ANO2: variants seen among roughly 807,000 people sequenced by gnomAD.
ANO2 encodes the protein anoctamin-2.
Under a neutral mutation model 124.2 loss-of-function variants are expected in ANO2, and 101 were observed. The observed-to-expected ratio is 0.81, with a 90% CI of 0.69 to 0.96. The LOEUF is 0.96. ANO2 is among the 40% of genes least tolerant of loss of function. ANO2 has a pLI of 0.00. For synonymous variants in ANO2, 486 were observed against 482.5 expected (o/e 1.01, Z -0.09); for missense variants, 1,293 against 1,274.5 (o/e 1.01, Z -0.22).
At chr12:5,672,546 T>A (rs1277071097) in intron 14 of ANO2, among the ~76,000 whole-genome samples, 1 of 152,148 alleles carries the variant, frequency 6.6e-6, no homozygotes. Context: ...TGTGGACCCA[T>A]GGAGGTCAGC....
chr12:5,692,542 GA>G (rs1237222312), intron 14 of ANO2, among the ~76,000 whole-genome samples: 1 of 152,182 alleles, frequency 6.6e-6, no homozygotes, highest in East Asian at 1.9e-4. Context: ...AGGGCTTAAA[GA>G]TCCTACATCC....
intron 10 of ANO2, among the ~76,000 whole-genome samples, chr12:5,772,926 C>T (rs1249337208): frequency 6.6e-6 from 1 of 152,230 alleles, no homozygotes; most frequent in Non-Finnish European, 1.5e-5. Context: ...GCTGCTGACC[C>T]ATTCGCTGCC....
At chr12:5,848,653 G>A (rs572771702) in intron 4 of ANO2, among the ~76,000 whole-genome samples, 3 of 152,274 alleles carry the variant, frequency 2.0e-5, no homozygotes, top group African/African-American at 4.8e-5. Flanking sequence ...TGGAGCCGTC[G>A]TGTTTACAGA....
chr12:5,839,432 G>A (rs1018585544), intron 4 of ANO2, among the ~76,000 whole-genome samples: 6 of 152,180 alleles, frequency 3.9e-5, no homozygotes, highest in Non-Finnish European at 8.8e-5. Context: ...CTCGGCAATG[G>A]AGGATAATCT....
At chr12:5,792,898 T>G (rs766988879) in intron 10 of ANO2, among the ~76,000 whole-genome samples, 1 of 152,204 alleles carries the variant, frequency 6.6e-6, no homozygotes, top group Non-Finnish European at 1.5e-5. Flanking sequence ...ATGCAAAATA[T>G]GTGGTGGCTT....
At chr12:5,801,994 C>T (rs181982341) in intron 9 of ANO2, among the ~76,000 whole-genome samples, 483 of 152,302 alleles carry the variant, frequency 3.2e-3, no homozygotes, top group African/African-American at 0.01. Flanking sequence ...GGCACCCCCT[C>T]GAGAGCTATG....
chr12:5,929,788 G>A (rs1459187467), intron 1 of ANO2, among the ~76,000 whole-genome samples: 1 of 149,438 alleles, frequency 6.7e-6, no homozygotes, highest in South Asian at 2.1e-4. Flanking sequence ...TTCCTTACTC[G>A]TCTACCTTCT....
chr12:5,827,815 G>A lies in ANO2; in HGVS notation c.846C>T (p.His282=), dbSNP rs557197006. Residue 282 remains histidine (H), a synonymous_variant, in exon 7 of 25, where the codon CAC becomes CAT. Transcript: ENST00000682330. ...FDNATRSRIV[H]EILKRTACSR... is the part of the protein sequence containing the mutation. ...AGCAGGCTGTGCGCTTCAGGATCTC[G>A]TGCACCTAAAAGGGGACGACAGCAG... The A allele has an allele frequency of 9.3e-6, 15 of 1,610,960 alleles. No individual in the cohort carries two copies. In the South Asian group the frequency reaches 1.2e-4, roughly 13 times the overall value.
chr12:5,726,115 A>G (rs752013565), intron 14 of ANO2, among the ~76,000 whole-genome samples: 3 of 152,024 alleles, frequency 2.0e-5, no homozygotes, highest in Non-Finnish European at 4.4e-5. Flanking sequence ...AGCAGTCTAG[A>G]AAAGATTCAA....
intron 20 of ANO2, among the ~76,000 whole-genome samples, chr12:5,596,869 AC>A (rs1200324310): frequency 6.6e-6 from 1 of 151,964 alleles, no homozygotes; most frequent in African/African-American, 2.4e-5. Flanking sequence ...AAGCACTAAG[AC>A]CCTCTTCTAT....
chr12:5,565,465 C>T (rs1941690419), intron 24 of ANO2, 93 bp downstream of exon 24: 3 of 1,124,912 alleles, frequency 2.7e-6, no homozygotes, highest in African/African-American at 1.6e-5. Context: ...CAGAGTACCA[C>T]CGGAACCTGG....
intron 3 of ANO2, among the ~76,000 whole-genome samples, chr12:5,867,778 G>GGAA (rs1555175814): frequency 1.3e-5 from 1 of 78,544 alleles, no homozygotes; most frequent in Non-Finnish European, 2.3e-5. Context: ...GCACTATAAT[G>GGAA]AAAAAAAAAA....
chr12:5,921,718 ACATG>A (rs1941712975), intron 2 of ANO2, among the ~76,000 whole-genome samples: 1 of 151,958 alleles, frequency 6.6e-6, no homozygotes, highest in Non-Finnish European at 1.5e-5. Flanking sequence ...CTGCACACAC[ACATG>A]CAAGCACCTG....
intron 17 of ANO2, 83 bp from the exon 18 acceptor site, chr12:5,613,041 C>T: frequency 7.5e-7 from 1 of 1,342,094 alleles, no homozygotes; most frequent in East Asian, 2.3e-5. Flanking sequence ...AGGGGAATAC[C>T]ACCACCACTG....
At chr12:5,755,368 ATTTATTTATT>A (rs1481220465) in intron 10 of ANO2, among the ~76,000 whole-genome samples, 1 of 148,810 alleles carries the variant, frequency 6.7e-6, no homozygotes, top group African/African-American at 2.5e-5. Context: ...TCTTTTTTAC[ATTTATTTATT>A]TTTATTTATT....
At position 5,562,864 on chromosome 12, in the gene ANO2, G is replaced by C. The variant is rs566927362; in HGVS notation, c.*435C>G. ...CTGCTGAGACTGTGGCAGCCCCACT[G>C]CAAGTGACTCAGTTTTCTTGTAGTG... On this transcript the variant is annotated 3_prime_UTR_variant, in exon 25 of 25. Transcript: ENST00000682330. 6.8e-5 allele frequency: 12 copies of C among 175,558 alleles called. No homozygotes were observed. The highest frequency in any genetic ancestry group is 1.4e-4 in the Non-Finnish European group (11 of 81,058). 10.9% of individuals were successfully genotyped at this position (175,558 alleles called of 1,614,324 possible).
At chr12:5,697,224 G>C (rs1180905742) in intron 14 of ANO2, among the ~76,000 whole-genome samples, 1 of 151,416 alleles carries the variant, frequency 6.6e-6, no homozygotes, top group African/African-American at 2.5e-5. Context: ...ACAAGATCAG[G>C]AGATCAAGAC....
rs375390181 is a variant in ANO2 at position 5,769,647 on chromosome 12, C to A, written c.1056-18677G>T. Among the ~76,000 whole-genome samples the A allele has an allele frequency of 6.6e-6, 1 of 152,142 alleles. No individual in the cohort carries two copies. The highest frequency in any genetic ancestry group is 6.5e-5 in the Admixed American group (1 of 15,276). Reference sequence around the variant, plus strand: ...TTCCTATCCGTGGGTGGTGGATGGACCTCCATTAACAGCCACACCTCCCCA... The same window carrying A: ...TTCCTATCCGTGGGTGGTGGATGGAACTCCATTAACAGCCACACCTCCCCA... On this transcript the variant is annotated intron_variant, in intron 10 of 24. Coordinates refer to ENST00000682330, the MANE Select transcript of ANO2 (RefSeq NM_001364791.2). The surrounding 1 kb of genome is among the most constrained non-coding windows in gnomAD (Gnocchi z 4.0).
At chr12:5,775,799 C>A (rs960232460) in intron 10 of ANO2, among the ~76,000 whole-genome samples, 1 of 152,162 alleles carries the variant, frequency 6.6e-6, no homozygotes, top group African/African-American at 2.4e-5. Context: ...ACCTCTTTTG[C>A]CTCTGAGACT....
Sources: gnomAD v4.1 joint callset for allele counts (sites outside exome capture counted in the v4.1 genomes callset) on GRCh38, gnomAD v4.1.1 for gene constraint, Gnocchi (gnomAD v3.1) non-coding constraint, MANE v1.5 for transcripts, NCBI Gene and HGNC (gene_info 2026-07-23, HGNC 2026-07-21) for gene names.